Variants in CDKL2 observed in about 807,000 individuals in gnomAD.
CDKL2 encodes the protein cyclin dependent kinase like 2.
In CDKL2, 64 loss-of-function variants were observed where a neutral mutation model predicts 63.9. That is an observed-to-expected ratio of 1.00 (90% CI 0.82 to 1.23). The LOEUF is 1.23. CDKL2 is among the 50% of genes most tolerant of loss of function. The pLI, the probability that CDKL2 is intolerant of heterozygous loss-of-function variation, is 0.00. For missense variants in CDKL2, 656 were observed against 668.0 expected, an observed-to-expected ratio of 0.98 and a Z score of 0.20; for synonymous variants, 211 against 229.2, an observed-to-expected ratio of 0.92 and a Z score of 0.72.
At position 75,623,384 on chromosome 4, in the gene CDKL2, G is replaced by T. The variant is rs560929367; in HGVS notation, c.168+2437C>A. On this transcript the variant is annotated intron_variant, in intron 2 of 13. Transcript: ENST00000307465. The stretch of plus-strand genomic sequence containing the variant: ...TAAAATCTTACCTATATAGGAGAAC[G>T]TGTGGCAAAAGGAATATTCAGAACA... 5.3e-4 allele frequency among the ~76,000 whole-genome samples: 81 copies of T among 152,292 alleles called. No individual in the cohort carries two copies. In the South Asian group the frequency reaches 0.016, roughly 30 times the overall value.
intron 6 of CDKL2, 73 bp downstream of exon 6, chr4:75,603,744 T>TAA: frequency 5.9e-4 from 357 of 608,202 alleles, no homozygotes; most frequent in South Asian, 1.2e-3. Flanking sequence ...ACTAGACAAG[T>TAA]AAAAAAAAAA....
intron 6 of CDKL2, among the ~76,000 whole-genome samples, chr4:75,602,737 T>G (rs1205413591): frequency 6.6e-6 from 1 of 151,784 alleles, no homozygotes; most frequent in African/African-American, 2.4e-5. Flanking sequence ...TTGGCCAGGC[T>G]GGTCTCCAAC....
intron 10 of CDKL2, chr4:75,595,957 GAA>G (rs1345868671): frequency 5.8e-6 from 1 of 171,358 alleles, no homozygotes; most frequent in Non-Finnish European, 1.0e-5. Context: ...AGAAAGAGAG[GAA>G]GGAAGGAAGG....
intron 3 of CDKL2, among the ~76,000 whole-genome samples, chr4:75,611,843 G>T (rs958666944): frequency 4.6e-5 from 7 of 151,004 alleles, no homozygotes; most frequent in African/African-American, 1.7e-4. Context: ...TAGTAGAGAC[G>T]GGGTTTCACC....
At chr4:75,600,765 G>A (rs556170789) in intron 6 of CDKL2, among the ~76,000 whole-genome samples, 1 of 152,220 alleles carries the variant, frequency 6.6e-6, no homozygotes, top group South Asian at 2.1e-4. Context: ...GCCCGCCAAT[G>A]AATTTTACAC....
intron 2 of CDKL2, among the ~76,000 whole-genome samples, chr4:75,616,700 CAAAAAAA>C (rs765649411): frequency 9.9e-5 from 7 of 70,452 alleles, no homozygotes; most frequent in South Asian, 4.4e-4. Flanking sequence ...ACTCCATCTC[CAAAAAAA>C]AAAAAAAAAA....
At position 75,600,155 on chromosome 4, in the gene CDKL2, G is replaced by A. The variant is rs555236758; in HGVS notation, c.884+126C>T. ...ATTGCTAAGGGAATATGGGGGTAGA[G>A]TGGTAGATATCTGAGATCCTGCAAA... On this transcript the variant is annotated intron_variant, in intron 7 of 13. Transcript: ENST00000307465. The A allele has an allele frequency of 7.3e-5, 45 of 620,170 alleles. 1 individual carries two copies. In the African/African-American group the frequency reaches 8.2e-4, roughly 11 times the overall value. The allele number at this position is 620,170 out of a possible 1,614,324, so 38.4% of individuals were successfully genotyped here.
chr4:75,628,089 A>G (rs1326633870), intron 1 of CDKL2, among the ~76,000 whole-genome samples: 2 of 151,550 alleles, frequency 1.3e-5, no homozygotes, highest in Admixed American at 6.6e-5. Flanking sequence ...ATTACTCACT[A>G]TAAGTATAAT....
rs1281162122 is a variant in CDKL2, at chr4:75,614,434, T to C, written c.184A>G (p.Asn62Asp). Residue 62 changes from asparagine (N) to aspartate (D), a missense_variant, in exon 3 of 14, where the codon AAC (asparagine) becomes GAC (aspartate). Coordinates refer to ENST00000307465, the MANE Select transcript of CDKL2 (RefSeq NM_001330724.2). ...CACACTTCCAAGAGATTCACCAAGT[T>C]TTCATGCCTAAGTTGCTGTTATTAA... ...IKLLKQLRHE[N>D]LVNLLEVCKK... The C allele has an allele frequency of 1.3e-6, 2 of 1,552,348 alleles. No individual in the cohort carries two copies. The highest frequency in any genetic ancestry group is 8.7e-7 in the Non-Finnish European group (1 of 1,144,436).
intron 1 of CDKL2, among the ~76,000 whole-genome samples, chr4:75,626,854 C>A (rs1412274478): frequency 6.6e-6 from 1 of 151,258 alleles, no homozygotes; most frequent in East Asian, 2.0e-4. Context: ...TGGCACTGCA[C>A]ACCAGCCTGA....
Position 75,597,015 on chromosome 4 carries a change from T to C in CDKL2, c.1242A>G (p.Pro414=). Residue 414 remains proline (P), a synonymous_variant, in exon 9 of 14, where the codon CCA becomes CCG. Transcript: ENST00000307465. ...CAACTGCAGAAAGATTGTGTGTAAGTGGGGGAATTGCCACGCTTGGATTCC... is the reference window on the plus strand; with the variant it reads ...CAACTGCAGAAAGATTGTGTGTAAGCGGGGGAATTGCCACGCTTGGATTCC... ...HTRNPSVAIP[P]LTHNLSAVAP... The C allele has an allele frequency of 6.2e-7, 1 of 1,614,192 alleles. No individual in the cohort carries two copies. The highest frequency in any genetic ancestry group is 8.5e-7 in the Non-Finnish European group (1 of 1,180,018).
intron 2 of CDKL2, among the ~76,000 whole-genome samples, chr4:75,620,493 G>GT (rs1215285864): frequency 2.6e-5 from 4 of 152,158 alleles, no homozygotes; most frequent in African/African-American, 9.7e-5. Context: ...TTTGTTCACA[G>GT]TAACAGTAGA....
chr4:75,606,208 T>C (rs1330305122), intron 4 of CDKL2, among the ~76,000 whole-genome samples: 1 of 114,552 alleles, frequency 8.7e-6, no homozygotes, highest in Non-Finnish European at 1.7e-5. Flanking sequence ...TGAGGGATGA[T>C]AGGGATAATT....
intron 1 of CDKL2, among the ~76,000 whole-genome samples, chr4:75,627,646 T>A (rs1730481431): frequency 6.6e-6 from 1 of 152,212 alleles, no homozygotes. Flanking sequence ...TTATGCACCT[T>A]CCACTTAATT....
At chr4:75,599,825 A>G (rs993653851) in intron 7 of CDKL2, among the ~76,000 whole-genome samples, 1 of 152,248 alleles carries the variant, frequency 6.6e-6, no homozygotes, top group African/African-American at 2.4e-5. Context: ...GCAGCACAGA[A>G]GACCATGCCA....
chr4:75,620,660 C>A (rs1730114196), intron 2 of CDKL2, among the ~76,000 whole-genome samples: 1 of 152,056 alleles, frequency 6.6e-6, no homozygotes, highest in Non-Finnish European at 1.5e-5. Context: ...CAATTAGGGC[C>A]AAATTTTTTT....
At chr4:75,581,932 A>C in intron 12 of CDKL2, 34 bp from the exon 13 acceptor site, 4 of 1,446,920 alleles carry the variant, frequency 2.8e-6, no homozygotes, top group Non-Finnish European at 3.9e-6. Flanking sequence ...ATAGGTTCTC[A>C]GTAATTGCAA....
At chr4:75,612,749 T>C (rs938964027) in intron 3 of CDKL2, among the ~76,000 whole-genome samples, 5 of 152,268 alleles carry the variant, frequency 3.3e-5, no homozygotes, top group African/African-American at 9.6e-5. Flanking sequence ...TGCAATTTAC[T>C]AAACTGGCAT....
intron 1 of CDKL2, among the ~76,000 whole-genome samples, chr4:75,629,266 A>G (rs1730570848): frequency 6.6e-6 from 1 of 152,236 alleles, no homozygotes; most frequent in Admixed American, 6.5e-5. Context: ...TTGAAAGCAC[A>G]AAGTGAACCA....
Sources: gnomAD v4.1 joint callset for allele counts (sites outside exome capture counted in the v4.1 genomes callset) on GRCh38, gnomAD v4.1.1 for gene constraint, MANE v1.5 for transcripts, NCBI Gene and HGNC (gene_info 2026-07-23, HGNC 2026-07-21) for gene names.